The following GRID2 variants were observed in gnomAD, a reference collection of about 807,000 sequenced individuals.
GRID2 encodes the protein glutamate ionotropic receptor delta type subunit 2.
Under a neutral mutation model 114.8 loss-of-function variants are expected in GRID2, and 33 were observed. That is an observed-to-expected ratio of 0.29 (90% confidence interval 0.22 to 0.38). The LOEUF is 0.38. Ranked by LOEUF, GRID2 falls within the 10% of genes least tolerant of loss-of-function variation. The pLI is 1.00. For missense variants in GRID2, 1,184 were observed against 1,257.7 expected (o/e 0.94, Z 0.89); for synonymous variants, 505 against 449.9 (o/e 1.12, Z -1.55).
At chr4:92,735,231 T>C (rs1736532706) in intron 2 of GRID2, among the ~76,000 whole-genome samples, 1 of 152,158 alleles carries the variant, frequency 6.6e-6, no homozygotes, top group Admixed American at 6.6e-5. Flanking sequence ...GCCAGAAATA[T>C]GTTCTGAGAC....
At chr4:93,341,613 T>G (rs151100833) in intron 8 of GRID2, among the ~76,000 whole-genome samples, 13 of 152,310 alleles carry the variant, frequency 8.5e-5, no homozygotes, top group African/African-American at 2.9e-4. Flanking sequence ...CGTGAGCCAC[T>G]GTTCCCAACC....
intron 8 of GRID2, among the ~76,000 whole-genome samples, chr4:93,242,258 G>T (rs550015725): frequency 2.0e-5 from 3 of 151,918 alleles, no homozygotes; most frequent in East Asian, 3.9e-4. Flanking sequence ...GAGAAGTTTC[G>T]AAATAGCTGC....
chr4:92,944,593 G>T (rs920413837), intron 2 of GRID2, among the ~76,000 whole-genome samples: 5 of 152,200 alleles, frequency 3.3e-5, no homozygotes, highest in Non-Finnish European at 7.3e-5. Context: ...ACACTCCCCA[G>T]GGAGATGAAC....
intron 2 of GRID2, among the ~76,000 whole-genome samples, chr4:93,025,792 A>G (rs1332514566): frequency 6.6e-6 from 1 of 151,696 alleles, no homozygotes; most frequent in Non-Finnish European, 1.5e-5. Flanking sequence ...ATGAACAAGC[A>G]TTTACTGAAA....
chr4:93,184,191 G>T (rs1030599402), intron 4 of GRID2, among the ~76,000 whole-genome samples: 5 of 152,106 alleles, frequency 3.3e-5, no homozygotes, highest in African/African-American at 1.2e-4. Flanking sequence ...AGAAAGGCAG[G>T]TTCCAGTAGA....
chr4:93,237,836 T>C (rs977532950), intron 7 of GRID2, among the ~76,000 whole-genome samples: 1 of 151,834 alleles, frequency 6.6e-6, no homozygotes, highest in Admixed American at 6.6e-5. Flanking sequence ...TTAACTTTCT[T>C]TTATTTTTGA....
intron 2 of GRID2, among the ~76,000 whole-genome samples, chr4:92,861,530 A>C (rs1744534383): frequency 6.6e-6 from 1 of 152,056 alleles, no homozygotes; most frequent in Non-Finnish European, 1.5e-5. Context: ...CTGTCACAGT[A>C]CCTACTATGA....
chr4:92,556,938 C>T (rs1726878799), intron 1 of GRID2, among the ~76,000 whole-genome samples: 1 of 152,142 alleles, frequency 6.6e-6, no homozygotes, highest in African/African-American at 2.4e-5. Flanking sequence ...CTGCCTACCA[C>T]TCACGTAATA....
At chr4:92,619,008 A>T (rs920576563) in intron 2 of GRID2, among the ~76,000 whole-genome samples, 1 of 150,612 alleles carries the variant, frequency 6.6e-6, no homozygotes, top group Non-Finnish European at 1.5e-5. Context: ...GATGCCGTTT[A>T]TTGCTTTCTC....
intron 13 of GRID2, among the ~76,000 whole-genome samples, chr4:93,552,099 A>T (rs1733817783): frequency 7.2e-6 from 1 of 138,022 alleles, no homozygotes; most frequent in Non-Finnish European, 1.5e-5. Context: ...CTCTTTATTC[A>T]ATTCCCACCT....
At chr4:92,711,303 T>A (rs1175839744) in intron 2 of GRID2, among the ~76,000 whole-genome samples, 2 of 152,168 alleles carry the variant, frequency 1.3e-5, no homozygotes, top group East Asian at 3.9e-4. Context: ...TTTAACTGGG[T>A]CCTCTCCCCA....
At chr4:93,770,411 C>G (rs187328710) in intron 15 of GRID2, among the ~76,000 whole-genome samples, 1 of 152,184 alleles carries the variant, frequency 6.6e-6, no homozygotes, top group Non-Finnish European at 1.5e-5. Flanking sequence ...ACAATAAATA[C>G]GGCTTCTCAT....
chr4:92,830,020 C>T (rs1197831253), intron 2 of GRID2, among the ~76,000 whole-genome samples: 1 of 150,044 alleles, frequency 6.7e-6, no homozygotes, highest in South Asian at 2.2e-4. Flanking sequence ...ATAGGTACAG[C>T]AAACTACCGT....
At chr4:93,616,154 A>T (rs1364038018) in intron 13 of GRID2, among the ~76,000 whole-genome samples, 1 of 152,168 alleles carries the variant, frequency 6.6e-6, no homozygotes, top group African/African-American at 2.4e-5. Flanking sequence ...AAAAATTTTA[A>T]TTATGAAAGC....
intron 2 of GRID2, among the ~76,000 whole-genome samples, chr4:92,976,172 A>G (rs1753859242): frequency 6.6e-6 from 1 of 152,144 alleles, no homozygotes; most frequent in African/African-American, 2.4e-5. Flanking sequence ...GTCATAATAA[A>G]TAATGATCTG....
chr4:93,434,561 A>C (rs1720882126), intron 10 of GRID2, among the ~76,000 whole-genome samples: 1 of 149,622 alleles, frequency 6.7e-6, no homozygotes, highest in Non-Finnish European at 1.5e-5. Context: ...AAACAAAAAC[A>C]AAAAAAAACA....
At chr4:92,349,484 A>T (rs532556879) in intron 1 of GRID2, among the ~76,000 whole-genome samples, 1 of 151,968 alleles carries the variant, frequency 6.6e-6, no homozygotes, top group South Asian at 2.1e-4. Flanking sequence ...AAACTAATAT[A>T]TAAATGTGAG....
chr4:93,582,954 G>T (rs1429542366), intron 13 of GRID2, among the ~76,000 whole-genome samples: 1 of 152,038 alleles, frequency 6.6e-6, no homozygotes, highest in Admixed American at 6.6e-5. Context: ...CGAAATCAAG[G>T]TGTTGGCAGG....
chr4:93,786,383 C>T (rs552309138), intron 1 of GRID2, among the ~76,000 whole-genome samples: 29 of 152,214 alleles, frequency 1.9e-4, no homozygotes, highest in South Asian at 4.1e-4. Flanking sequence ...TTGTTTCCAA[C>T]GTAGGAGACA....
Sources: gnomAD v4.1 joint callset for allele counts (sites outside exome capture counted in the v4.1 genomes callset) on GRCh38, gnomAD v4.1.1 for gene constraint, MANE v1.5 for transcripts, NCBI Gene and HGNC (gene_info 2026-07-23, HGNC 2026-07-21) for gene names.